Variants in NLK observed in about 807,000 individuals in gnomAD.
The protein encoded by NLK is nemo like kinase, also known as serine/threonine-protein kinase NLK.
NLK carries 11 observed loss-of-function variants against 59.0 expected under a neutral mutation model. The ratio of observed to expected loss-of-function variants is 0.19; its 90% CI spans 0.12 to 0.31. The LOEUF (loss-of-function observed/expected upper bound fraction) is 0.31, where lower values mean the gene tolerates loss of function less well. Ranked by LOEUF, NLK falls within the 10% of genes least tolerant of loss-of-function variation. The probability of loss-of-function intolerance (pLI) is 1.00; values close to 1 mark genes in which losing one functional copy is unlikely to be tolerated. For synonymous variants in NLK, 235 were observed against 235.9 expected, an observed-to-expected ratio of 1.00 and a Z score of 0.03; for missense variants, 410 against 661.1, an observed-to-expected ratio of 0.62 and a Z score of 4.16.
intron 2 of NLK, among the ~76,000 whole-genome samples, chr17:28,132,253 A>G (rs1198352963): frequency 6.6e-6 from 1 of 152,224 alleles, no homozygotes; most frequent in Admixed American, 6.5e-5. Context: ...TAGAATGCAC[A>G]TAGTAAAGAT....
At chr17:28,085,477 C>T (rs146458217) in intron 1 of NLK, among the ~76,000 whole-genome samples, 2 of 152,192 alleles carry the variant, frequency 1.3e-5, no homozygotes, top group Non-Finnish European at 1.5e-5. Flanking sequence ...TGGTGGCTCA[C>T]GCTTGTAATC....
At chr17:28,193,820 TG>T (rs1909394292) in intron 10 of NLK, among the ~76,000 whole-genome samples, 1 of 152,234 alleles carries the variant, frequency 6.6e-6, no homozygotes, top group Non-Finnish European at 1.5e-5. Flanking sequence ...GGAATTAAGT[TG>T]CACTTTTACT....
chr17:28,123,741 A>G (rs35904231), intron 2 of NLK, among the ~76,000 whole-genome samples: 1 of 152,328 alleles, frequency 6.6e-6, no homozygotes, highest in African/African-American at 2.4e-5. Flanking sequence ...AGACTTATAG[A>G]CAAATAGACT....
rs1469888488 is a variant in NLK at position 28,120,861 on chromosome 17, T to A, written c.459-1742T>A. Among the ~76,000 whole-genome samples, 11 of 152,278 alleles carry A rather than the reference T, an allele frequency of 7.2e-5. No individual in the cohort carries two copies. In the South Asian group the frequency reaches 2.1e-3, roughly 29 times the overall value. ...TAGACAGATATGTAGACAATAGGAA[T>A]TTTTATTTTCAGGAAAGCAATTTGA... is the stretch of plus-strand genomic sequence containing the variant. On this transcript the variant is annotated intron_variant, in intron 1 of 10. Transcript: ENST00000407008.
chr17:28,099,723 C>T (rs1285904834), intron 1 of NLK, among the ~76,000 whole-genome samples: 3 of 150,798 alleles, frequency 2.0e-5, no homozygotes, highest in Non-Finnish European at 4.4e-5. Context: ...GGACTACAGG[C>T]GCCCGCCACC....
intron 3 of NLK, among the ~76,000 whole-genome samples, chr17:28,146,373 A>G (rs962877320): frequency 1.6e-5 from 2 of 126,272 alleles, no homozygotes; most frequent in African/African-American, 6.3e-5. Flanking sequence ...CCTCCCTCAT[A>G]TAACGATGTT....
intron 1 of NLK, among the ~76,000 whole-genome samples, chr17:28,102,962 C>T (rs78495302): frequency 0.01 from 1,583 of 152,236 alleles, 31 homozygotes; most frequent in African/African-American, 0.036. Context: ...GCAGGTGGCT[C>T]TTATGTCTGT....
chr17:28,082,373 G>T (rs1910378385), intron 1 of NLK, among the ~76,000 whole-genome samples: 1 of 152,210 alleles, frequency 6.6e-6, no homozygotes, highest in African/African-American at 2.4e-5. Context: ...AGGGATGTGT[G>T]TGCTAGCATA....
At chr17:28,080,716 A>C (rs1910315180) in intron 1 of NLK, among the ~76,000 whole-genome samples, 1 of 152,240 alleles carries the variant, frequency 6.6e-6, no homozygotes, top group Non-Finnish European at 1.5e-5. Flanking sequence ...AGATCAGCTT[A>C]GTGCATAATC....
the NLK span, among the ~76,000 whole-genome samples, chr17:28,204,930 T>TCAC: frequency 6.6e-6 from 1 of 152,226 alleles, no homozygotes. Flanking sequence ...TCCCCTGTGG[T>TCAC]CACATTCCAA....
At chr17:28,191,446 T>C (rs1393587576) in intron 9 of NLK, among the ~76,000 whole-genome samples, 1 of 152,230 alleles carries the variant, frequency 6.6e-6, no homozygotes, top group African/African-American at 2.4e-5. Flanking sequence ...TCAAAGTTTA[T>C]TTAGTGAGTA....
Position 28,196,326 on chromosome 17 carries a change from G to T in NLK, c.*1690G>T, listed in dbSNP as rs1485150862. The T allele has an allele frequency of 1.3e-5, 2 of 152,582 alleles. No individual in the cohort carries two copies. The highest frequency in any genetic ancestry group is 2.9e-5 in the Non-Finnish European group (2 of 68,028). The allele number at this position is 152,582 out of a possible 1,614,324, so 9.5% of individuals were successfully genotyped here. A position where few individuals can be genotyped will look rare whatever the true frequency, so the allele number is the denominator to read the frequency against. On this transcript the variant is annotated 3_prime_UTR_variant, in exon 11 of 11. Transcript: ENST00000407008. ...CCGTGGCACACTTTCTGGTCACTTT[G>T]TACAATGTAGATTTGAAGTACAGTG...
intron 7 of NLK, among the ~76,000 whole-genome samples, chr17:28,180,030 A>G (rs1908845814): frequency 6.6e-6 from 1 of 152,132 alleles, no homozygotes. Context: ...GAAATGCAGT[A>G]TCTGTAGCAC....
At chr17:28,185,137 C>A (rs1394611665) in intron 7 of NLK, 42 bp from the exon 8 acceptor site, 2 of 1,240,892 alleles carry the variant, frequency 1.6e-6, no homozygotes, top group East Asian at 2.6e-5. Context: ...GCTGTTTACA[C>A]AAAGACTCAC....
intron 8 of NLK, among the ~76,000 whole-genome samples, chr17:28,186,175 C>G (rs962396347): frequency 5.9e-5 from 9 of 152,162 alleles, no homozygotes; most frequent in Non-Finnish European, 1.3e-4. Flanking sequence ...CACAAAATTA[C>G]CAAAGTTATT....
chr17:28,047,270 T>C (rs777489478), intron 1 of NLK, among the ~76,000 whole-genome samples: 14 of 152,236 alleles, frequency 9.2e-5, no homozygotes, highest in Non-Finnish European at 1.9e-4. Context: ...AGTGTCTTCA[T>C]AGATTGTCAG....
At chr17:28,111,892 GTGTGGTGTGT>G (rs1464874076) in intron 1 of NLK, among the ~76,000 whole-genome samples, 50 of 114,516 alleles carry the variant, frequency 4.4e-4, no homozygotes, top group African/African-American at 1.3e-3. Flanking sequence ...GTGTGTGTGT[GTGTGGTGTGT>G]GTGTGTGTGT....
rs1333469069 is a variant in NLK at position 28,168,628 on chromosome 17, T to C, written c.1018T>C (p.Leu340=). Residue 340 remains leucine (L), a synonymous_variant, in exon 6 of 11, where the codon TTG becomes CTG. Coordinates refer to ENST00000407008, the MANE Select transcript of NLK (RefSeq NM_016231.5). ...IFAELLGRRI[L]FQAQSPIQQL... ...TGCAGAACTACTAGGACGAAGAATA[T>C]TGTTTCAGGCACAGAGTCCCATTCA... 2 of 1,613,854 alleles carry C rather than the reference T, an allele frequency of 1.2e-6. No individual in the cohort carries two copies. The highest frequency in any genetic ancestry group is 4.5e-5 in the East Asian group (2 of 44,870).
intron 1 of NLK, among the ~76,000 whole-genome samples, chr17:28,083,987 A>G (rs924997257): frequency 6.6e-6 from 1 of 152,184 alleles, no homozygotes; most frequent in African/African-American, 2.4e-5. Flanking sequence ...CAAAACAATT[A>G]TGAAAGGAAT....
Sources: gnomAD v4.1 joint callset for allele counts (sites outside exome capture counted in the v4.1 genomes callset) on GRCh38, gnomAD v4.1.1 for gene constraint, MANE v1.5 for transcripts, NCBI Gene and HGNC (gene_info 2026-07-23, HGNC 2026-07-21) for gene names.